Variants in TMCC1 observed in about 807,000 individuals in gnomAD.
TMCC1 encodes transmembrane and coiled-coil domain family 1.
A neutral mutation model predicts 52.4 loss-of-function variants in TMCC1; 15 were observed. That is an observed-to-expected ratio of 0.29 (90% CI 0.19 to 0.44). TMCC1 has a LOEUF of 0.44. TMCC1 is among the 20% of genes least tolerant of loss of function. The probability of loss-of-function intolerance (pLI) is 1.00; values close to 1 mark genes in which losing one functional copy is unlikely to be tolerated. For synonymous variants in TMCC1, 279 were observed against 301.9 expected (o/e 0.92, Z 0.79); for missense variants, 503 against 806.0 (o/e 0.62, Z 4.55).
At chr3:129,802,444 T>C (rs993569860) in intron 4 of TMCC1, among the ~76,000 whole-genome samples, 2 of 152,192 alleles carry the variant, frequency 1.3e-5, no homozygotes, top group Non-Finnish European at 2.9e-5. Flanking sequence ...TAAAACAATA[T>C]GTAAACTACA....
At chr3:129,872,101 T>G (rs1412442580) in intron 2 of TMCC1, among the ~76,000 whole-genome samples, 1 of 152,260 alleles carries the variant, frequency 6.6e-6, no homozygotes, top group African/African-American at 2.4e-5. Flanking sequence ...AGCACCAGTA[T>G]TCACGCAGCA....
intron 4 of TMCC1, among the ~76,000 whole-genome samples, chr3:129,782,814 G>A (rs2055645133): frequency 6.6e-6 from 1 of 152,124 alleles, no homozygotes; most frequent in African/African-American, 2.4e-5. Context: ...TTTATTTGGA[G>A]ATAGACACAG....
At chr3:129,877,960 T>G (rs2061299067) in intron 2 of TMCC1, among the ~76,000 whole-genome samples, 1 of 149,024 alleles carries the variant, frequency 6.7e-6, no homozygotes, top group Non-Finnish European at 1.5e-5. Flanking sequence ...TTTATTTTTA[T>G]TTTTATTTTT....
intron 4 of TMCC1, among the ~76,000 whole-genome samples, chr3:129,709,915 G>A (rs1002988718): frequency 6.6e-5 from 10 of 151,954 alleles, no homozygotes; most frequent in East Asian, 3.9e-4. Context: ...AGCCAGGCGC[G>A]GTGGCTCACA....
At chr3:129,844,233 T>C (rs937960794) in intron 2 of TMCC1, among the ~76,000 whole-genome samples, 2 of 152,092 alleles carry the variant, frequency 1.3e-5, no homozygotes, top group African/African-American at 2.4e-5. Context: ...AATAAGGATA[T>C]CTACCAAAAA....
intron 4 of TMCC1, among the ~76,000 whole-genome samples, chr3:129,826,985 A>T (rs1223883543): frequency 1.3e-5 from 2 of 152,152 alleles, no homozygotes; most frequent in Non-Finnish European, 2.9e-5. Flanking sequence ...GTTTCTCTTG[A>T]AAAAAATCAG....
At chr3:129,735,630 C>CCAAGGCTCTTTAAG in intron 4 of TMCC1, among the ~76,000 whole-genome samples, 1 of 129,280 alleles carries the variant, frequency 7.7e-6, no homozygotes, top group African/African-American at 3.0e-5. Context: ...GCCTGGGCGA[C>CCAAGGCTCTTTAAG]AGAGCCAAGA....
chr3:129,817,365 C>CT (rs1333170021), intron 4 of TMCC1, among the ~76,000 whole-genome samples: 1 of 152,038 alleles, frequency 6.6e-6, no homozygotes, highest in Non-Finnish European at 1.5e-5. Flanking sequence ...GGGAGGATCG[C>CT]TTGAGCCCAG....
At position 129,882,364 on chromosome 3, in the gene TMCC1, A is replaced by C. The variant is rs535136731; in HGVS notation, c.-434-1805T>G. 2.6e-5 allele frequency among the ~76,000 whole-genome samples: 4 copies of C among 152,158 alleles called. No individual in the cohort carries two copies. The South Asian group carries it at 6.2e-4, about 24-fold the overall frequency. Reference sequence around the variant, plus strand: ...GATTAAAAAAAAAAAACAGAAAACAACAAGTGCTGGCAAGGATATGGAGAA... The same window carrying C: ...GATTAAAAAAAAAAAACAGAAAACACCAAGTGCTGGCAAGGATATGGAGAA... On this transcript the variant is annotated intron_variant, in intron 1 of 6. Coordinates refer to ENST00000393238, the MANE Select transcript of TMCC1 (RefSeq NM_001017395.5).
At chr3:129,769,042 A>G (rs961233958) in intron 4 of TMCC1, among the ~76,000 whole-genome samples, 1 of 152,244 alleles carries the variant, frequency 6.6e-6, no homozygotes, top group Non-Finnish European at 1.5e-5. Context: ...TACTTTAGAT[A>G]CAGAGCCAGG....
chr3:129,797,447 T>C (rs939460102), intron 4 of TMCC1, among the ~76,000 whole-genome samples: 1 of 151,548 alleles, frequency 6.6e-6, no homozygotes, highest in African/African-American at 2.4e-5. Context: ...AAAATGTATA[T>C]ATAAAACGTT....
intron 4 of TMCC1, among the ~76,000 whole-genome samples, chr3:129,793,952 C>T (rs1219304219): frequency 2.6e-5 from 4 of 152,222 alleles, no homozygotes; most frequent in Non-Finnish European, 5.9e-5. Context: ...ACTGATTCCA[C>T]AGAGAAGAAG....
rs2054732058 is a variant in TMCC1 at position 129,772,955 on chromosome 3, A to G, written c.576+54848T>C. ...ACTGTTGGTAGGAATGCAAAATAGT[A>G]TAACCTCTTTCGATGGAAATATCTT... On this transcript the variant is annotated intron_variant, in intron 4 of 6. Transcript: ENST00000393238. Among the ~76,000 whole-genome samples, 2 of 152,350 alleles carry G rather than the reference A, an allele frequency of 1.3e-5. 1 individual carries two copies. Among genetic ancestry groups the G allele is most frequent in the South Asian group, 4.1e-4 (2 of 4,834 alleles).
At chr3:129,824,274 T>A (rs759605545) in intron 4 of TMCC1, among the ~76,000 whole-genome samples, 2 of 152,086 alleles carry the variant, frequency 1.3e-5, no homozygotes, top group African/African-American at 2.4e-5. Flanking sequence ...AGGTGGAGGT[T>A]GCAGTGAGCA....
chr3:129,745,746 G>T (rs1234069793), intron 4 of TMCC1, among the ~76,000 whole-genome samples: 2 of 151,830 alleles, frequency 1.3e-5, no homozygotes, highest in Non-Finnish European at 2.9e-5. Flanking sequence ...TGGATCACCT[G>T]AAGTCAGGAG....
rs373652609 is a variant in TMCC1, at chr3:129,843,296, G to A, written c.-183-10470C>T. Among the ~76,000 whole-genome samples, 8 of 151,888 alleles carry A rather than the reference G, an allele frequency of 5.3e-5. No individual in the cohort carries two copies. The East Asian group carries it at 1.4e-3, about 26-fold the overall frequency. On this transcript the variant is annotated intron_variant, in intron 2 of 6. Coordinates refer to ENST00000393238, the MANE Select transcript of TMCC1 (RefSeq NM_001017395.5). ...TGGGAGGCGGAGCTTGCAGTGAGCC[G>A]AGATCGCACCACTGCACTCCAGCCT... is the stretch of plus-strand genomic sequence containing the variant.
At chr3:129,702,144 G>A (rs1576501201) in intron 4 of TMCC1, among the ~76,000 whole-genome samples, 1 of 152,054 alleles carries the variant, frequency 6.6e-6, no homozygotes, top group African/African-American at 2.4e-5. Flanking sequence ...AGTTGGATAG[G>A]CAGATTTAAA....
chr3:129,655,380 T>C (rs1576329727), intron 5 of TMCC1, among the ~76,000 whole-genome samples: 1 of 152,182 alleles, frequency 6.6e-6, no homozygotes, highest in African/African-American at 2.4e-5. Context: ...GCTTTGAGCA[T>C]AACCATAATA....
intron 4 of TMCC1, among the ~76,000 whole-genome samples, chr3:129,762,374 A>G (rs2053683109): frequency 1.3e-5 from 2 of 152,018 alleles, no homozygotes; most frequent in African/African-American, 4.8e-5. Context: ...GACTACCCCA[A>G]CCTCATCAAC....
Sources: allele counts gnomAD v4.1 joint callset (sites outside exome capture counted in the v4.1 genomes callset), GRCh38; gene constraint gnomAD v4.1.1; transcripts MANE v1.5; gene names NCBI Gene and HGNC (gene_info 2026-07-23, HGNC 2026-07-21).